The following GRM1 variants were observed in gnomAD, a reference collection of about 807,000 sequenced individuals.
GRM1 encodes glutamate metabotropic receptor 1, also known as metabotropic glutamate receptor 1.
In GRM1, 33 loss-of-function variants were observed where a neutral mutation model predicts 90.9. The observed-to-expected ratio is 0.36, with a 90% CI of 0.28 to 0.49. GRM1 has a LOEUF of 0.49. GRM1 is among the 20% of genes least tolerant of loss of function. The pLI is 0.99. For missense variants in GRM1, 1,190 were observed against 1,534.3 expected (o/e 0.78, Z 3.75); for synonymous variants, 700 against 613.2 (o/e 1.14, Z -2.09).
chr6:146,037,862 T>C (rs577374551), intron 1 of GRM1, among the ~76,000 whole-genome samples: 55 of 152,104 alleles, frequency 3.6e-4, no homozygotes, highest in African/African-American at 1.3e-3. Context: ...CCTCTCCTTT[T>C]CTTCAACTTC....
intron 3 of GRM1, among the ~76,000 whole-genome samples, chr6:146,328,608 A>T (rs539996978): frequency 1.1e-4 from 16 of 152,322 alleles, no homozygotes; most frequent in Admixed American, 2.6e-4. Context: ...TGTAATGTAC[A>T]TATATTCAAC....
intron 2 of GRM1, among the ~76,000 whole-genome samples, chr6:146,215,843 G>A (rs2328731): frequency 0.22 from 33,187 of 150,784 alleles, 7,512 homozygotes; most frequent in African/African-American, 0.58. Context: ...TGTAAGCTCC[G>A]CCTCCTGGGT....
At chr6:146,409,075 G>A (rs1196141238) in intron 7 of GRM1, among the ~76,000 whole-genome samples, 1 of 151,954 alleles carries the variant, frequency 6.6e-6, no homozygotes, top group Non-Finnish European at 1.5e-5. Context: ...AATGGGGTGG[G>A]GTATTTAATG....
intron 2 of GRM1, among the ~76,000 whole-genome samples, chr6:146,255,796 G>A (rs986524797): frequency 2.0e-5 from 3 of 151,864 alleles, no homozygotes; most frequent in African/African-American, 4.8e-5. Context: ...TTCTTCACAC[G>A]CTACATTTTT....
At chr6:146,226,279 C>T (rs1301944638) in intron 2 of GRM1, among the ~76,000 whole-genome samples, 1 of 152,016 alleles carries the variant, frequency 6.6e-6, no homozygotes, top group Non-Finnish European at 1.5e-5. Context: ...AAAACTGTAG[C>T]CCTAGTGTTA....
chr6:146,030,391 T>C lies in GRM1; in HGVS notation c.700+174T>C, dbSNP rs375168556. On this transcript the variant is annotated intron_variant, in intron 1 of 7. Coordinates refer to ENST00000282753, the MANE Select transcript of GRM1 (RefSeq NM_001278064.2). ...TTTTATCCTCATTTCCTTACAATTATAGTGTAGGAAAATTGTACCCCATAG... is the reference window on the plus strand; with the variant it reads ...TTTTATCCTCATTTCCTTACAATTACAGTGTAGGAAAATTGTACCCCATAG... Among the ~76,000 whole-genome samples the C allele has an allele frequency of 2.7e-4, 41 of 152,300 alleles. No homozygotes were observed. The South Asian group carries it at 6.0e-3, about 22-fold the overall frequency.
intron 1 of GRM1, among the ~76,000 whole-genome samples, chr6:146,113,275 T>C (rs1335605307): frequency 6.6e-6 from 1 of 152,180 alleles, no homozygotes; most frequent in Non-Finnish European, 1.5e-5. Flanking sequence ...AAACACATAG[T>C]AAATTCAGTA....
At chr6:146,139,907 CTT>C in intron 1 of GRM1, among the ~76,000 whole-genome samples, 1 of 117,720 alleles carries the variant, frequency 8.5e-6, no homozygotes, top group African/African-American at 3.6e-5. Flanking sequence ...CTTCCCTTCC[CTT>C]CCCTTCCCTC....
intron 1 of GRM1, among the ~76,000 whole-genome samples, chr6:146,146,960 GGCTCAAGT>G (rs1249229211): frequency 3.9e-5 from 6 of 152,140 alleles, no homozygotes; most frequent in African/African-American, 1.4e-4. Flanking sequence ...TACACCTCCA[GGCTCAAGT>G]CCATTTACTG....
chr6:146,180,242 A>C (rs1778499192), intron 2 of GRM1, among the ~76,000 whole-genome samples: 2 of 146,710 alleles, frequency 1.4e-5, no homozygotes, highest in African/African-American at 4.9e-5. Flanking sequence ...TGCAGATATT[A>C]ACTTCTTTTA....
chr6:146,292,343 G>A (rs570173900), intron 2 of GRM1, among the ~76,000 whole-genome samples: 1 of 151,966 alleles, frequency 6.6e-6, no homozygotes, highest in African/African-American at 2.4e-5. Flanking sequence ...TATCAAGAAA[G>A]TGAAAAGACA....
Position 146,384,686 on chromosome 6 carries a change from C to G in GRM1, c.1603-2204C>G, listed in dbSNP as rs187057226. 2.0e-5 allele frequency among the ~76,000 whole-genome samples: 3 copies of G among 151,926 alleles called. No individual in the cohort carries two copies. The East Asian group carries it at 5.8e-4, about 29-fold the overall frequency. ...GAAAACCAAGCAATAGAAACAGTTC[C>G]AGAAATTACATTGATGTTAAAATTA... On this transcript the variant is annotated intron_variant, in intron 5 of 7. Transcript: ENST00000282753.
At chr6:146,309,732 C>T (rs935511920) in intron 3 of GRM1, among the ~76,000 whole-genome samples, 29 of 151,800 alleles carry the variant, frequency 1.9e-4, no homozygotes, top group African/African-American at 6.5e-4. Flanking sequence ...GAATATGATA[C>T]ACAGATTTTT....
chr6:146,296,996 G>A (rs1783199834), intron 2 of GRM1, among the ~76,000 whole-genome samples: 1 of 152,166 alleles, frequency 6.6e-6, no homozygotes, highest in African/African-American at 2.4e-5. Flanking sequence ...GGCTATTGTT[G>A]ATAAGCATTC....
chr6:146,029,569 C>G lies in GRM1; in HGVS notation c.52C>G (p.Leu18Val), dbSNP rs750922378. 5 of 1,614,108 alleles carry G rather than the reference C, an allele frequency of 3.1e-6. No individual in the cohort carries two copies. Among genetic ancestry groups the G allele is most frequent in the East Asian group, 4.5e-5 (2 of 44,866 alleles). The change falls in exon 1 of 8, where the codon CTT (leucine) becomes GTT (valine). Residue 18 changes from leucine (L) to valine (V), a missense_variant. Around this residue, in one of 10 missense-constraint regions of GRM1, gnomAD observed 44 missense variants for 35.8 expected, o/e 1.23. Transcript: ENST00000282753. ...CCCAGCGATCTTTTTGGAGGTGTCC[C>G]TTCTCCCCAGAAGCCCCGGCAGGAA... ...FFPAIFLEVS[L>V]LPRSPGRKVL...
intron 5 of GRM1, among the ~76,000 whole-genome samples, chr6:146,385,592 A>G (rs1776473345): frequency 6.6e-6 from 1 of 152,016 alleles, no homozygotes; most frequent in Non-Finnish European, 1.5e-5. Flanking sequence ...AAATTATACC[A>G]GGCCAAAATG....
chr6:146,315,264 G>A (rs1783927143), intron 3 of GRM1, among the ~76,000 whole-genome samples: 1 of 152,092 alleles, frequency 6.6e-6, no homozygotes, highest in Non-Finnish European at 1.5e-5. Flanking sequence ...ACATGCACCT[G>A]TAGTCCTAGC....
chr6:146,219,059 C>T lies in GRM1; in HGVS notation c.950+59462C>T, dbSNP rs995281942. 3.3e-5 allele frequency among the ~76,000 whole-genome samples: 5 copies of T among 152,134 alleles called. No individual in the cohort carries two copies. The East Asian group carries it at 7.7e-4, about 23-fold the overall frequency. On this transcript the variant is annotated intron_variant, in intron 2 of 7. Transcript: ENST00000282753. ...CTTTTCTCCAAATCCCTTGATTGCT[C>T]AAGCCTGGGTTATTTTTAAAAGCTT...
At chr6:146,271,050 C>A (rs189911830) in intron 2 of GRM1, among the ~76,000 whole-genome samples, 25 of 149,784 alleles carry the variant, frequency 1.7e-4, no homozygotes, top group Admixed American at 5.4e-4. Flanking sequence ...TGTCACCCAG[C>A]CTGGAGTTCA....
Sources: allele counts gnomAD v4.1 joint callset (sites outside exome capture counted in the v4.1 genomes callset), GRCh38; gene constraint gnomAD v4.1.1; regional missense constraint gnomAD v4.1.1; transcripts MANE v1.5; gene names NCBI Gene and HGNC (gene_info 2026-07-23, HGNC 2026-07-21).